The following EXOG variants were observed in gnomAD, a reference collection of about 807,000 sequenced individuals.
EXOG encodes exo/endonuclease G, also known as nuclease EXOG, mitochondrial.
EXOG carries 27 observed loss-of-function variants against 25.8 expected under a neutral mutation model. The observed-to-expected ratio is 1.05, with a 90% CI of 0.77 to 1.45. The LOEUF (loss-of-function observed/expected upper bound fraction) is 1.45. EXOG is among the 40% of genes most tolerant of loss of function. The pLI is 0.00. For synonymous variants in EXOG, 133 were observed against 167.0 expected, an observed-to-expected ratio of 0.80 and a Z score of 1.57; for missense variants, 458 against 450.5, an observed-to-expected ratio of 1.02 and a Z score of -0.15.
chr3:38,498,421 G>A (rs1298704379), intron 2 of EXOG, among the ~76,000 whole-genome samples: 1 of 152,116 alleles, frequency 6.6e-6, no homozygotes, highest in Non-Finnish European at 1.5e-5. Context: ...TGGGCGTGGT[G>A]GTGCACCTCT....
At chr3:38,515,757 G>T in intron 5 of EXOG, 1 of 155,068 alleles carries the variant, frequency 6.4e-6, no homozygotes, top group Non-Finnish European at 1.5e-5. Context: ...GGAGGCTGTG[G>T]CGCAGAGCCA....
At chr3:38,516,108 T>C (rs1210675100) in intron 5 of EXOG, among the ~76,000 whole-genome samples, 1 of 152,180 alleles carries the variant, frequency 6.6e-6, no homozygotes, top group East Asian at 1.9e-4. Context: ...TAGTTCTTAG[T>C]CCAGTAATGC....
intron 2 of EXOG, among the ~76,000 whole-genome samples, chr3:38,500,614 A>G (rs1447462293): frequency 1.3e-5 from 2 of 152,210 alleles, no homozygotes; most frequent in East Asian, 3.9e-4. Flanking sequence ...TTTGAATAAC[A>G]GTCTGAGTAT....
chr3:38,496,583 T>C, intron 1 of EXOG, 53 bp downstream of exon 1: 1 of 1,577,704 alleles, frequency 6.3e-7, no homozygotes, highest in South Asian at 1.2e-5. Flanking sequence ...GGGCTCCGAC[T>C]CCTACCTGGA....
Position 38,524,033 on chromosome 3 carries a change from C to T in EXOG, c.778C>T (p.Pro260Ser), listed in dbSNP as rs766922825. 2.1e-5 allele frequency: 34 copies of T among 1,614,026 alleles called. 1 individual carries two copies. The South Asian group carries it at 3.7e-4, about 18-fold the overall frequency. Residue 260 changes from proline (P) to serine (S), a missense_variant, in exon 6 of 6, where the codon CCC (proline) becomes TCC (serine). By Grantham distance (74) the Pro-to-Ser change is moderately conservative (BLOSUM62 -1). Coordinates refer to ENST00000287675, the MANE Select transcript of EXOG (RefSeq NM_005107.4). ...ACCCAATGAAGCCATCGGCTTCCAG[C>T]CCCAGTTAACTGAATTCCAAGTGAG... ...VVPNEAIGFQ[P>S]QLTEFQVSLQ...
chr3:38,502,860 G>T (rs559725342), intron 3 of EXOG, among the ~76,000 whole-genome samples: 3 of 152,024 alleles, frequency 2.0e-5, no homozygotes, highest in Admixed American at 1.3e-4. Flanking sequence ...CAATTGTTGC[G>T]TAAACTATTG....
intron 3 of EXOG, among the ~76,000 whole-genome samples, chr3:38,502,492 T>A (rs776250511): frequency 1.3e-5 from 2 of 152,202 alleles, no homozygotes; most frequent in East Asian, 3.8e-4. Context: ...CATATACATA[T>A]GTAAATTCTG....
intron 3 of EXOG, among the ~76,000 whole-genome samples, chr3:38,502,050 G>A (rs1282022704): frequency 6.6e-6 from 1 of 152,034 alleles, no homozygotes; most frequent in Non-Finnish European, 1.5e-5. Flanking sequence ...AGCCTCCCGA[G>A]TAGCTGGGAT....
chr3:38,497,732 G>A lies in EXOG; in HGVS notation c.267G>A (p.Arg89=). 4 of 1,606,424 alleles carry A rather than the reference G, an allele frequency of 2.5e-6. No individual in the cohort carries two copies. Among genetic ancestry groups the A allele is most frequent in the Non-Finnish European group, 3.4e-6 (4 of 1,178,188 alleles). The change falls in exon 2 of 6, where the codon CGG becomes CGA. Residue 89 remains arginine, a synonymous_variant. Transcript: ENST00000287675. ...NHALSYDQAK[R]VPRWVLEHIS... The stretch of plus-strand genomic sequence containing the variant: ...CTTTGTCTTATGATCAGGCAAAGCG[G>A]GTGCCTAGATGGGTTCTTGAACATA...
At chr3:38,522,124 A>C (rs1489153761) in intron 5 of EXOG, among the ~76,000 whole-genome samples, 3 of 152,250 alleles carry the variant, frequency 2.0e-5, no homozygotes, top group Non-Finnish European at 2.9e-5. Flanking sequence ...CTTCGAAGAC[A>C]GTTGGTTATG....
At chr3:38,507,678 G>C (rs911106285) in intron 5 of EXOG, among the ~76,000 whole-genome samples, 25 of 152,162 alleles carry the variant, frequency 1.6e-4, no homozygotes, top group African/African-American at 5.8e-4. Flanking sequence ...CGTGTAAAGA[G>C]ATAGGTGGGA....
intron 5 of EXOG, among the ~76,000 whole-genome samples, chr3:38,516,989 A>G (rs959333305): frequency 4.6e-5 from 7 of 152,090 alleles, no homozygotes; most frequent in African/African-American, 1.7e-4. Flanking sequence ...GATGATTTTA[A>G]CTTTACTTGG....
intron 4 of EXOG, among the ~76,000 whole-genome samples, chr3:38,504,527 C>T (rs915486960): frequency 1.3e-5 from 2 of 152,050 alleles, no homozygotes; most frequent in African/African-American, 2.4e-5. Context: ...CCTCCGCCTC[C>T]CGGGTTCAAG....
Position 38,524,122 on chromosome 3 carries a change from T to C in EXOG, c.867T>C (p.Asp289=). 6.2e-7 allele frequency: 1 copy of C among 1,614,118 alleles called. No individual in the cohort carries two copies. Among genetic ancestry groups the C allele is most frequent in the Non-Finnish European group, 8.5e-7 (1 of 1,179,954 alleles). The part of the protein sequence containing the change: ...VFFPHLDRTS[D]IRNICSVDTC... ...TTCCTCATTTGGATAGAACTAGTGA[T>C]ATCCGGAATATCTGCTCTGTGGACA... Residue 289 remains aspartate (D), a synonymous_variant, in exon 6 of 6, where the codon GAT becomes GAC. Transcript: ENST00000287675.
rs1206767077 is a variant in EXOG at position 38,496,389 on chromosome 3, T to C, written c.22T>C (p.Ser8Pro). The change falls in exon 1 of 6, where the codon TCC becomes CCC. Residue 8 changes from serine to proline, a missense_variant. By Grantham distance (74) the Ser-to-Pro change is moderately conservative. Coordinates refer to ENST00000287675, the MANE Select transcript of EXOG (RefSeq NM_005107.4). ...CAAGATGGCTATCAAGAGTATCGCT[T>C]CCCGCCTCCGGGGTTCCCGTCGTTT... MAIKSIASRLRGSRRFLS... is the reference protein window; with the variant it reads MAIKSIAPRLRGSRRFLS... The C allele has an allele frequency of 8.7e-6, 14 of 1,613,808 alleles. No individual in the cohort carries two copies. The highest frequency in any genetic ancestry group is 1.1e-5 in the Non-Finnish European group (13 of 1,179,846).
At chr3:38,511,396 A>G (rs1347141155) in intron 5 of EXOG, among the ~76,000 whole-genome samples, 1 of 152,208 alleles carries the variant, frequency 6.6e-6, no homozygotes, top group African/African-American at 2.4e-5. Flanking sequence ...AACCATAAAA[A>G]AAGGAATAAC....
intron 4 of EXOG, chr3:38,505,634 A>T (rs1410722308): frequency 6.6e-6 from 1 of 152,146 alleles, no homozygotes; most frequent in Non-Finnish European, 1.5e-5. Context: ...GAATGAGGAC[A>T]TGCATTGTTA....
chr3:38,506,725 GT>G, intron 4 of EXOG, 128 bp from the exon 5 acceptor site: 1 of 472,944 alleles, frequency 2.1e-6, no homozygotes, highest in Non-Finnish European at 3.8e-6. Context: ...ATAATGTTTT[GT>G]GCCATGTTCT....
At chr3:38,508,723 A>C (rs955079918) in intron 5 of EXOG, among the ~76,000 whole-genome samples, 6 of 140,780 alleles carry the variant, frequency 4.3e-5, no homozygotes, top group African/African-American at 1.7e-4. Flanking sequence ...CCCCCCCCCA[A>C]AAAAAAACCA....
Sources: allele counts gnomAD v4.1 joint callset (sites outside exome capture counted in the v4.1 genomes callset), GRCh38; gene constraint gnomAD v4.1.1; transcripts MANE v1.5; gene names NCBI Gene and HGNC (gene_info 2026-07-23, HGNC 2026-07-21).